Variants in LMNTD1 observed in about 807,000 individuals in gnomAD.
LMNTD1 encodes lamin tail domain-containing protein 1.
A neutral mutation model predicts 50.9 loss-of-function variants in LMNTD1; 35 were observed. That is an observed-to-expected ratio of 0.69 (90% CI 0.53 to 0.91). The LOEUF is 0.91. LMNTD1 is among the 40% of genes least tolerant of loss of function. The probability of loss-of-function intolerance (pLI) is 0.00; values close to 1 mark genes in which losing one functional copy is unlikely to be tolerated. For synonymous variants in LMNTD1, 153 were observed against 161.9 expected (o/e 0.94, Z 0.42); for missense variants, 470 against 475.5 (o/e 0.99, Z 0.11).
chr12:25,553,047 T>A, intron 1 of LMNTD1, 22 bp downstream of exon 1: 1 of 1,610,400 alleles, frequency 6.2e-7, no homozygotes. Context: ...AAGGCAGATT[T>A]TTCTTTTCAA....
At position 25,632,549 on chromosome 12, in the gene LMNTD1, C is replaced by T. The variant is rs140620882; in HGVS notation, c.58+15945G>A. Among the ~76,000 whole-genome samples, 870 of 152,234 alleles carry T rather than the reference C, an allele frequency of 5.7e-3. 12 individuals are homozygous for T. Among genetic ancestry groups the T allele is most frequent in the South Asian group, 0.043 (210 of 4,828 alleles). On this transcript the variant is annotated intron_variant, in intron 1 of 7. Coordinates refer to the LMNTD1 transcript ENST00000445693. ...GGATTTTGTATCCAGTGAAACTAAG[C>T]ATCAAATATGAAGGAAAGATACAGT...
At chr12:25,635,254 A>AAAG (rs1437963945) in intron 1 of LMNTD1, among the ~76,000 whole-genome samples, 1 of 148,546 alleles carries the variant, frequency 6.7e-6, no homozygotes, top group Admixed American at 6.7e-5. Context: ...AAAAAAAAGA[A>AAAG]AAAAAAAAAA....
intron 9 of LMNTD1, among the ~76,000 whole-genome samples, chr12:25,481,906 C>T (rs978477456): frequency 1.4e-5 from 2 of 143,886 alleles, no homozygotes; most frequent in African/African-American, 5.4e-5. Context: ...CACACACACA[C>T]ATATAGTGAA....
chr12:25,625,535 G>A (rs903814392), intron 1 of LMNTD1, among the ~76,000 whole-genome samples: 7 of 152,062 alleles, frequency 4.6e-5, no homozygotes, highest in Admixed American at 1.3e-4. Flanking sequence ...CCTCACAGCT[G>A]GTCTGCTGTC....
At chr12:25,543,427 A>T (rs1943227812) in intron 4 of LMNTD1, among the ~76,000 whole-genome samples, 1 of 152,026 alleles carries the variant, frequency 6.6e-6, no homozygotes, top group African/African-American at 2.4e-5. Context: ...TTATGACCAA[A>T]TATTTATGGT....
chr12:25,502,408 A>G (rs776569327), intron 9 of LMNTD1, among the ~76,000 whole-genome samples: 1 of 152,222 alleles, frequency 6.6e-6, no homozygotes, highest in Admixed American at 6.5e-5. Context: ...ACTAAAGCTT[A>G]TGACAACTGA....
intron 4 of LMNTD1, 117 bp downstream of exon 4, chr12:25,546,257 C>G (rs1278658616): frequency 2.0e-6 from 1 of 490,244 alleles, no homozygotes; most frequent in Admixed American, 3.7e-5. Context: ...TTTCAATGAA[C>G]TGATTAGTGT....
chr12:25,495,507 G>A (rs1466550249), intron 9 of LMNTD1, among the ~76,000 whole-genome samples: 6 of 152,088 alleles, frequency 3.9e-5, no homozygotes, highest in African/African-American at 7.2e-5. Context: ...TGCAGAGGGC[G>A]ATGATGAAGT....
chr12:25,593,787 A>G (rs1945770666), intron 1 of LMNTD1, among the ~76,000 whole-genome samples: 1 of 150,276 alleles, frequency 6.7e-6, no homozygotes, highest in Admixed American at 6.6e-5. Context: ...GTCAAAGCCC[A>G]ATCTAAGGAA....
At chr12:25,634,597 A>G (rs1407454029) in intron 1 of LMNTD1, among the ~76,000 whole-genome samples, 2 of 152,210 alleles carry the variant, frequency 1.3e-5, no homozygotes, top group Non-Finnish European at 2.9e-5. Flanking sequence ...TTATCTCAAT[A>G]AATGCAGAAA....
At chr12:25,640,264 C>T (rs1227895347) in intron 1 of LMNTD1, among the ~76,000 whole-genome samples, 1 of 152,094 alleles carries the variant, frequency 6.6e-6, no homozygotes. Flanking sequence ...AATCCCAGCA[C>T]TTTGGGAGGC....
chr12:25,623,611 G>T (rs535576892), intron 1 of LMNTD1, among the ~76,000 whole-genome samples: 3 of 146,438 alleles, frequency 2.0e-5, no homozygotes, highest in Middle Eastern at 3.8e-3. Context: ...CACTCAAAAG[G>T]CATCCCTGAA....
At chr12:25,555,065 TAAA>T (rs766278656), upstream of LMNTD1, among the ~76,000 whole-genome samples, 12 of 133,256 alleles carry the variant, frequency 9.0e-5, no homozygotes, top group Non-Finnish European at 8.2e-5. Flanking sequence ...TCTCCGTCAT[TAAA>T]AAAAAAAAAA....
At chr12:25,592,855 A>C (rs1478360234) in intron 1 of LMNTD1, 2 of 152,276 alleles carry the variant, frequency 1.3e-5, no homozygotes, top group African/African-American at 4.8e-5. Context: ...GCCTGAAAAC[A>C]GACTTGGTGC....
In LMNTD1 at chr12:25,600,347, A is replaced by G. The variant is rs1009270658; in HGVS notation, c.58+48147T>C. Among the ~76,000 whole-genome samples, 17 of 152,242 alleles carry G rather than the reference A, an allele frequency of 1.1e-4. No individual in the cohort carries two copies. The East Asian group carries it at 3.1e-3, about 28-fold the overall frequency. On this transcript the variant is annotated intron_variant, in intron 1 of 7. Coordinates refer to the LMNTD1 transcript ENST00000445693. ...TATAATCTCAAAATGTGAAAGTACT[A>G]CAAGAAAACGTTGAGGAAATTCTCC...
At position 25,519,454 on chromosome 12, in the gene LMNTD1, G is replaced by C. The variant is rs979951569; in HGVS notation, c.1016+404C>G. Among the ~76,000 whole-genome samples, 9 of 151,836 alleles carry C rather than the reference G, an allele frequency of 5.9e-5. No individual in the cohort carries two copies. In the East Asian group the frequency reaches 1.2e-3, roughly 20 times the overall value. ...ACAAAAAAAATTAGCCGGGCGTGGT[G>C]GTGGGCGCCTGTAGTCCCAGCTACT... is the stretch of plus-strand genomic sequence containing the variant. On this transcript the variant is annotated intron_variant, in intron 7 of 9. Transcript: ENST00000458174.
chr12:25,492,556 C>A (rs1431756188), intron 9 of LMNTD1, among the ~76,000 whole-genome samples: 1 of 152,192 alleles, frequency 6.6e-6, no homozygotes, highest in Non-Finnish European at 1.5e-5. Flanking sequence ...GACATTTACT[C>A]TGAAGCCAAA....
intron 1 of LMNTD1, among the ~76,000 whole-genome samples, chr12:25,577,279 G>C (rs1348652545): frequency 2.0e-5 from 3 of 152,112 alleles, no homozygotes; most frequent in Non-Finnish European, 4.4e-5. Flanking sequence ...AAATTACCTT[G>C]GGCAGTATGG....
chr12:25,520,991 G>A (rs1231462487), intron 6 of LMNTD1, among the ~76,000 whole-genome samples: 1 of 152,022 alleles, frequency 6.6e-6, no homozygotes, highest in Non-Finnish European at 1.5e-5. Context: ...GTATCTGTTG[G>A]CCATTTTTTA....
Sources: gnomAD v4.1 joint callset for allele counts (sites outside exome capture counted in the v4.1 genomes callset) on GRCh38, gnomAD v4.1.1 for gene constraint, MANE v1.5 for transcripts, NCBI Gene and HGNC (gene_info 2026-07-23, HGNC 2026-07-21) for gene names.